MED13L: variants seen among roughly 807,000 people sequenced by gnomAD.
MED13L encodes mediator complex subunit 13L.
A neutral mutation model predicts 220.9 loss-of-function variants in MED13L; 7 were observed. The ratio of observed to expected loss-of-function variants is 0.03; its 90% CI spans 0.02 to 0.06. MED13L has a LOEUF of 0.06. Among genes scored for constraint, MED13L ranks in the 10% least tolerant of loss-of-function variants. The pLI is 1.00. For synonymous variants in MED13L, 1,011 were observed against 1,015.2 expected (o/e 1.00, Z 0.08); for missense variants, 1,965 against 2,760.5 (o/e 0.71, Z 6.46).
At chr12:116,031,752 A>AG (rs1352617205) in intron 4 of MED13L, among the ~76,000 whole-genome samples, 1 of 31,486 alleles carries the variant, frequency 3.2e-5, no homozygotes, top group Non-Finnish European at 5.6e-5. Context: ...AAAGAAAAGA[A>AG]AAGAAAAGAA....
At chr12:116,012,933 A>AC in intron 8 of MED13L, 32 bp from the exon 9 acceptor site, 5 of 1,444,626 alleles carry the variant, frequency 3.5e-6, no homozygotes, top group Non-Finnish European at 4.9e-6. Context: ...CTTATGTGTG[A>AC]ACATAATACC....
intron 23 of MED13L, among the ~76,000 whole-genome samples, chr12:115,977,357 C>T (rs1378379155): frequency 1.3e-5 from 2 of 152,168 alleles, no homozygotes; most frequent in Non-Finnish European, 2.9e-5. Flanking sequence ...GGATTCAAAA[C>T]TCAGGCTGAG....
intron 2 of MED13L, among the ~76,000 whole-genome samples, chr12:116,167,995 A>T (rs1879404742): frequency 6.6e-6 from 1 of 152,190 alleles, no homozygotes. Flanking sequence ...AAAAAAAATA[A>T]AAATCATTTT....
chr12:116,082,650 C>G (rs888698165), intron 4 of MED13L: 1 of 151,496 alleles, frequency 6.6e-6, no homozygotes, highest in African/African-American at 2.4e-5. Context: ...CGATGACATG[C>G]AAATTCATGA....
intron 2 of MED13L, among the ~76,000 whole-genome samples, chr12:116,177,999 G>A (rs1880201899): frequency 6.6e-6 from 1 of 152,058 alleles, no homozygotes; most frequent in South Asian, 2.1e-4. Context: ...GGGACTATAG[G>A]TGCACATCCC....
intron 14 of MED13L, among the ~76,000 whole-genome samples, chr12:115,998,653 G>C (rs1373030898): frequency 6.6e-6 from 1 of 152,174 alleles, no homozygotes; most frequent in Non-Finnish European, 1.5e-5. Flanking sequence ...GAAAAGGTGA[G>C]AACTTCTGAA....
chr12:116,256,146 T>C (rs1024950320), intron 1 of MED13L, among the ~76,000 whole-genome samples: 1 of 152,210 alleles, frequency 6.6e-6, no homozygotes, highest in Non-Finnish European at 1.5e-5. Context: ...CATTTTATTT[T>C]TTGCAAGTTT....
intron 26 of MED13L, 76 bp from the exon 27 acceptor site, chr12:115,970,846 A>G: frequency 7.4e-7 from 1 of 1,353,020 alleles, no homozygotes; most frequent in Non-Finnish European, 1.0e-6. Context: ...CCTGATCTGG[A>G]GTGGTATGAG....
chr12:116,011,056 T>C (rs12819960), intron 9 of MED13L, among the ~76,000 whole-genome samples: 1 of 146,840 alleles, frequency 6.8e-6, no homozygotes, highest in African/African-American at 2.5e-5. Flanking sequence ...TGTGTTTTTG[T>C]TTTTTTTTTA....
chr12:116,104,305 G>A lies in MED13L; in HGVS notation c.395+7123C>T, dbSNP rs148091821. Among the ~76,000 whole-genome samples, 26 of 151,880 alleles carry A rather than the reference G, an allele frequency of 1.7e-4. No homozygotes were observed. In the East Asian group the frequency reaches 3.7e-3, roughly 22 times the overall value. ...GACTACAGGTGTGAGCCATGTGTCC[G>A]GCCTCATTTGCCCTTTGATAATCAC... On this transcript the variant is annotated intron_variant, in intron 3 of 30. Transcript: ENST00000281928.
At chr12:116,133,328 A>T (rs912400953) in intron 2 of MED13L, among the ~76,000 whole-genome samples, 1 of 152,214 alleles carries the variant, frequency 6.6e-6, no homozygotes, top group Non-Finnish European at 1.5e-5. Context: ...AAAGTCCAAT[A>T]TTGAGTTTTC....
chr12:116,074,678 T>C (rs1002451722), intron 4 of MED13L, among the ~76,000 whole-genome samples: 1 of 152,256 alleles, frequency 6.6e-6, no homozygotes, highest in African/African-American at 2.4e-5. Context: ...CACTATTCCA[T>C]ACTCCTGTTC....
intron 2 of MED13L, among the ~76,000 whole-genome samples, chr12:116,142,828 T>A (rs932616615): frequency 2.0e-5 from 3 of 152,240 alleles, no homozygotes; most frequent in Non-Finnish European, 4.4e-5. Context: ...TCAAATTTAT[T>A]AAATTGACCA....
chr12:116,235,778 T>C (rs914672801), intron 2 of MED13L, among the ~76,000 whole-genome samples: 11 of 152,332 alleles, frequency 7.2e-5, no homozygotes, highest in Admixed American at 1.3e-4. Context: ...TCCGTTGGCA[T>C]AGATAAATAA....
chr12:116,055,333 T>A lies in MED13L; in HGVS notation c.480-32732A>T, dbSNP rs1868860216. On this transcript the variant is annotated intron_variant, in intron 4 of 30. Transcript: ENST00000281928. ...TCAATAAAAAGATTTAAAAAATAAT[T>A]CCAATAGAATGTTTTCAGAAAGTTC... Among the ~76,000 whole-genome samples, 5 of 152,296 alleles carry A rather than the reference T, an allele frequency of 3.3e-5. No homozygotes were observed. In the South Asian group the frequency reaches 1.0e-3, roughly 32 times the overall value.
intron 1 of MED13L, among the ~76,000 whole-genome samples, chr12:116,264,308 A>G (rs981260381): frequency 1.3e-4 from 19 of 151,980 alleles, no homozygotes; most frequent in African/African-American, 4.4e-4. Context: ...TTTGAACAAT[A>G]CTCCTCATTT....
At chr12:116,016,968 T>G (rs538320457) in intron 7 of MED13L, among the ~76,000 whole-genome samples, 1 of 152,318 alleles carries the variant, frequency 6.6e-6, no homozygotes, top group East Asian at 1.9e-4. Context: ...AAATATGGCA[T>G]TCAACTACAG....
In MED13L at chr12:116,016,171, T is replaced by C. The variant is rs538257347; in HGVS notation, c.1010-897A>G. Among the ~76,000 whole-genome samples, 3 of 152,230 alleles carry C rather than the reference T, an allele frequency of 2.0e-5. No individual in the cohort carries two copies. The East Asian group carries it at 5.8e-4, about 29-fold the overall frequency. On this transcript the variant is annotated intron_variant, in intron 7 of 30. Coordinates refer to ENST00000281928, the MANE Select transcript of MED13L (RefSeq NM_015335.5). ...TTATGGATTTTCTTCTCAATAGAACTATGATGCAAAACACCTTAACGAAAG... is the reference window on the plus strand; with the variant it reads ...TTATGGATTTTCTTCTCAATAGAACCATGATGCAAAACACCTTAACGAAAG...
chr12:116,053,580 T>C (rs764620389), intron 4 of MED13L, among the ~76,000 whole-genome samples: 5 of 152,186 alleles, frequency 3.3e-5, no homozygotes, highest in Non-Finnish European at 7.3e-5. Context: ...TCCTTAATTC[T>C]CACAACAACT....
Sources: gnomAD v4.1 joint callset for allele counts (sites outside exome capture counted in the v4.1 genomes callset) on GRCh38, gnomAD v4.1.1 for gene constraint, MANE v1.5 for transcripts, NCBI Gene and HGNC (gene_info 2026-07-23, HGNC 2026-07-21) for gene names.